Variants in FER observed in about 807,000 individuals in gnomAD.
The protein encoded by FER is FER tyrosine kinase, also known as tyrosine-protein kinase Fer.
Under a neutral mutation model 111.0 loss-of-function variants are expected in FER, and 63 were observed. That is an observed-to-expected ratio of 0.57 (90% CI 0.46 to 0.70). The LOEUF is 0.70. Ranked by LOEUF, FER falls within the 30% of genes least tolerant of loss-of-function variation. The pLI, the probability that FER is intolerant of heterozygous loss-of-function variation, is 0.00. For synonymous variants in FER, 327 were observed against 313.9 expected, an observed-to-expected ratio of 1.04 and a Z score of -0.44; for missense variants, 914 against 954.0, an observed-to-expected ratio of 0.96 and a Z score of 0.55.
At chr5:108,770,885 A>T (rs766871619) in intron 2 of FER, among the ~76,000 whole-genome samples, 1 of 151,918 alleles carries the variant, frequency 6.6e-6, no homozygotes, top group Non-Finnish European at 1.5e-5. Context: ...TCTGTGTATT[A>T]TTCGTTTCTT....
chr5:109,050,053 C>T (rs1772559582), intron 16 of FER, among the ~76,000 whole-genome samples: 2 of 152,086 alleles, frequency 1.3e-5, no homozygotes, highest in South Asian at 2.1e-4. Context: ...TTTAATAGTC[C>T]ACTCCACTCT....
chr5:108,824,195 G>C (rs566825295), intron 3 of FER, among the ~76,000 whole-genome samples: 1 of 152,128 alleles, frequency 6.6e-6, no homozygotes, highest in East Asian at 1.9e-4. Flanking sequence ...TGGAAATATA[G>C]TTTGGAAAAA....
rs145849498 is a variant in FER, at chr5:109,149,716, TATAAG to T, written c.2049-31026_2049-31022del. Among the ~76,000 whole-genome samples the T allele has an allele frequency of 7.4e-3, 1,133 of 152,280 alleles. 14 individuals carry two copies. Among genetic ancestry groups the T allele is most frequent in the African/African-American group, 0.026 (1,073 of 41,556 alleles). On this transcript the variant is annotated intron_variant, in intron 17 of 19. Transcript: ENST00000281092. ...TTTTAGGAGAATATGGAAACACGCTTATAAGATAAATAGGAAAACAACAAAACCAT... is the reference window on the plus strand; with the variant it reads ...TTTTAGGAGAATATGGAAACACGCTTATAAATAGGAAAACAACAAAACCAT...
intron 16 of FER, among the ~76,000 whole-genome samples, chr5:109,058,708 T>TTTTCTTTCTTTC (rs1198963702): frequency 2.2e-4 from 32 of 144,536 alleles, no homozygotes; most frequent in African/African-American, 7.7e-4. Context: ...TTCTTTTTCT[T>TTTTCTTTCTTTC]TTTCTTTCTT....
chr5:109,114,129 C>G (rs1176608239), intron 17 of FER, among the ~76,000 whole-genome samples: 1 of 152,004 alleles, frequency 6.6e-6, no homozygotes, highest in Admixed American at 6.6e-5. Context: ...TACTTACTTC[C>G]CCACTCACTG....
At chr5:108,878,535 T>A (rs1007105092) in intron 8 of FER, among the ~76,000 whole-genome samples, 3 of 152,186 alleles carry the variant, frequency 2.0e-5, no homozygotes, top group Non-Finnish European at 4.4e-5. Context: ...TTTTACTACT[T>A]GTATGTAATG....
In FER at chr5:108,794,530, C is replaced by CG. The variant is rs1554066055; in HGVS notation, c.-59-3594_-59-3593insG. 2.3e-4 allele frequency among the ~76,000 whole-genome samples: 29 copies of CG among 128,068 alleles called. 1 individual carries two copies. In the South Asian group the frequency reaches 5.2e-3, roughly 23 times the overall value. The allele number at this position is 128,068 out of a possible 152,430, so 84.0% of individuals were successfully genotyped here. On this transcript the variant is annotated intron_variant, in intron 2 of 19. Transcript: ENST00000281092. ...CACTGTGCTTGCCCCCTCCGCACCC[C>CG]CCCCCCTCCCCGCACCTTAACATTT...
chr5:108,840,528 CT>C (rs1275621409), intron 5 of FER, among the ~76,000 whole-genome samples: 113 of 146,502 alleles, frequency 7.7e-4, no homozygotes, highest in Non-Finnish European at 1.3e-3. Context: ...TTACTCATGA[CT>C]TTTTTTTTTT....
At chr5:108,847,023 T>G (rs1317322975) in intron 5 of FER, among the ~76,000 whole-genome samples, 2 of 151,596 alleles carry the variant, frequency 1.3e-5, no homozygotes, top group Non-Finnish European at 2.9e-5. Flanking sequence ...TTGTCCTTAT[T>G]TCCTTCCTTC....
chr5:109,051,699 C>T lies in FER; in HGVS notation c.1924+4501C>T, dbSNP rs144679848. 1.3e-3 allele frequency: 2,087 copies of T among 1,571,818 alleles called. 32 individuals carry two copies. In the African/African-American group the frequency reaches 0.025, roughly 19 times the overall value. ...GAGACCCACAGTCTTTGGCGGGGCT[C>T]AGCGGGCCAGTGGTCGCATGGTAAG... On this transcript the variant is annotated intron_variant, in intron 16 of 19. Coordinates refer to ENST00000281092, the MANE Select transcript of FER (RefSeq NM_005246.4).
chr5:108,821,371 A>G (rs982579393), intron 3 of FER, among the ~76,000 whole-genome samples: 2 of 152,132 alleles, frequency 1.3e-5, no homozygotes, highest in Non-Finnish European at 2.9e-5. Flanking sequence ...TATAGGGGAA[A>G]ATTTTTAAAT....
At chr5:108,772,428 T>C (rs951476847) in intron 2 of FER, among the ~76,000 whole-genome samples, 13 of 151,944 alleles carry the variant, frequency 8.6e-5, no homozygotes, top group African/African-American at 3.1e-4. Context: ...TTCTTTTTTA[T>C]TTTCAAACAG....
At chr5:108,993,870 A>G (rs144323969) in intron 13 of FER, among the ~76,000 whole-genome samples, 8,889 of 152,038 alleles carry the variant, frequency 0.058, 400 homozygotes, top group South Asian at 0.12. Context: ...GCATTTCTCT[A>G]ATGATCAGTG....
rs540103435 is a variant in FER at position 109,191,399 on chromosome 5, A to T, written c.*3824A>T. 6.6e-6 allele frequency: 1 copy of T among 152,068 alleles called. No homozygotes were observed. Among genetic ancestry groups the T allele is most frequent in the East Asian group, 1.9e-4 (1 of 5,198 alleles). The allele number at this position is 152,068 out of a possible 1,614,324, so 9.4% of individuals were successfully genotyped here. On this transcript the variant is annotated 3_prime_UTR_variant, in exon 20 of 20. Transcript: ENST00000281092. ...TGCCTCAGCCCTCTTCTTTTTACGT[A>T]TACTCCATTTATCATTGATATTTTA...
In FER at chr5:108,894,535, C is replaced by A; in HGVS notation, c.1047-3124C>A. 3 of 400,380 alleles carry A rather than the reference C, an allele frequency of 7.5e-6. No homozygotes were observed. In the Admixed American group the frequency reaches 8.0e-5, roughly 11 times the overall value. The allele number at this position is 400,380 out of a possible 1,614,324, so 24.8% of individuals were successfully genotyped here. A position where few individuals can be genotyped will look rare whatever the true frequency, so the allele number is the denominator to read the frequency against. ...GTTAGTTTGATGTTGAGATACCGAT[C>A]CACAGAATGGAGGGTTCCACAGATG... On this transcript the variant is annotated intron_variant, in intron 9 of 19. Transcript: ENST00000281092.
chr5:108,822,677 A>G (rs1047966882), intron 3 of FER, among the ~76,000 whole-genome samples: 1 of 151,726 alleles, frequency 6.6e-6, no homozygotes, highest in Non-Finnish European at 1.5e-5. Context: ...CTACCTACCA[A>G]TACCACCACA....
chr5:109,079,271 TAC>T (rs1483828151), intron 16 of FER, among the ~76,000 whole-genome samples: 1 of 151,864 alleles, frequency 6.6e-6, no homozygotes, highest in Admixed American at 6.6e-5. Context: ...GGGCAAAGGG[TAC>T]AGAGAAGAAA....
intron 13 of FER, among the ~76,000 whole-genome samples, chr5:109,012,140 A>G (rs1766358427): frequency 6.6e-6 from 1 of 152,134 alleles, no homozygotes. Context: ...TATTGTGAAG[A>G]GGTGTTTGAT....
chr5:108,852,254 G>A (rs150609035), intron 5 of FER, among the ~76,000 whole-genome samples: 2 of 152,244 alleles, frequency 1.3e-5, no homozygotes, highest in East Asian at 3.9e-4. Flanking sequence ...TGAATAGTTT[G>A]TGATATTTTA....
Sources: gnomAD v4.1 joint callset for allele counts (sites outside exome capture counted in the v4.1 genomes callset) on GRCh38, gnomAD v4.1.1 for gene constraint, MANE v1.5 for transcripts, NCBI Gene and HGNC (gene_info 2026-07-23, HGNC 2026-07-21) for gene names.